Variants in DTD1 observed in about 807,000 individuals in gnomAD.
The protein encoded by DTD1 is D-aminoacyl-tRNA deacylase 1.
Under a neutral mutation model 25.6 loss-of-function variants are expected in DTD1, and 13 were observed. That is an observed-to-expected ratio of 0.51 (90% confidence interval 0.33 to 0.81). The LOEUF (loss-of-function observed/expected upper bound fraction) is 0.81. Ranked by LOEUF, DTD1 falls within the 30% of genes least tolerant of loss-of-function variation. DTD1 has a pLI of 0.02. For synonymous variants in DTD1, 110 were observed against 103.6 expected, an observed-to-expected ratio of 1.06 and a Z score of -0.37; for missense variants, 193 against 266.4, an observed-to-expected ratio of 0.72 and a Z score of 1.92.
At chr20:18,695,055 G>A (rs191699072) in intron 4 of DTD1, among the ~76,000 whole-genome samples, 7 of 152,244 alleles carry the variant, frequency 4.6e-5, no homozygotes, top group Non-Finnish European at 7.4e-5. Context: ...GATACTCAGC[G>A]CGTGTTCTGC....
At chr20:18,725,172 T>G (rs2061218735) in intron 4 of DTD1, among the ~76,000 whole-genome samples, 1 of 152,170 alleles carries the variant, frequency 6.6e-6, no homozygotes, top group African/African-American at 2.4e-5. Flanking sequence ...CATGCAAAGA[T>G]TAAGGGGTGG....
In DTD1 at chr20:18,765,619, C is replaced by G. The variant is rs1209822999; in HGVS notation, c.*2279C>G. On this transcript the variant is annotated 3_prime_UTR_variant, in exon 6 of 6. Coordinates refer to ENST00000377452, the MANE Select transcript of DTD1 (RefSeq NM_080820.6). ...CAGATTATAGAGAAAAATGAAAGCT[C>G]AAGAAGAAACCCCATAATATCTGCA... 6.6e-6 allele frequency: 1 copy of G among 152,108 alleles called. No homozygotes were observed. Among genetic ancestry groups the G allele is most frequent in the Non-Finnish European group, 1.5e-5 (1 of 68,016 alleles). 9.4% of individuals were successfully genotyped at this position (152,108 alleles called of 1,614,324 possible).
intron 4 of DTD1, among the ~76,000 whole-genome samples, chr20:18,649,274 A>G (rs1246531860): frequency 6.8e-6 from 1 of 146,878 alleles, no homozygotes; most frequent in Non-Finnish European, 1.5e-5. Flanking sequence ...CTAACACAAG[A>G]CAAGACTCGA....
In DTD1 at chr20:18,764,877, A is replaced by G. The variant is rs546971828; in HGVS notation, c.*1537A>G. On this transcript the variant is annotated 3_prime_UTR_variant, in exon 6 of 6. Coordinates refer to ENST00000377452, the MANE Select transcript of DTD1 (RefSeq NM_080820.6). ...TCACTTTAAAGCTACTTGAACCTACATGTCGATAAACTCAGTTGTAGGGTT... is the reference window on the plus strand; with the variant it reads ...TCACTTTAAAGCTACTTGAACCTACGTGTCGATAAACTCAGTTGTAGGGTT... 3 of 152,354 alleles carry G rather than the reference A, an allele frequency of 2.0e-5. No homozygotes were observed. Among genetic ancestry groups the G allele is most frequent in the East Asian group, 3.9e-4 (2 of 5,192 alleles). The allele number at this position is 152,354 out of a possible 1,614,324, so 9.4% of individuals were successfully genotyped here.
chr20:18,651,803 A>G (rs905144056), intron 4 of DTD1, among the ~76,000 whole-genome samples: 8 of 152,226 alleles, frequency 5.3e-5, no homozygotes, highest in African/African-American at 9.6e-5. Flanking sequence ...TGGGATGCCA[A>G]AAGTCCAAGA....
chr20:18,668,208 T>C (rs2060939135), intron 4 of DTD1, among the ~76,000 whole-genome samples: 1 of 152,222 alleles, frequency 6.6e-6, no homozygotes, highest in Admixed American at 6.5e-5. Context: ...TATCTATTTT[T>C]GATTTATGTT....
At chr20:18,695,543 TCC>T (rs2061071698) in intron 4 of DTD1, among the ~76,000 whole-genome samples, 1 of 26,442 alleles carries the variant, frequency 3.8e-5, no homozygotes, top group Non-Finnish European at 7.7e-5. Context: ...TCCTTTCCCT[TCC>T]CTTCCCTTCC....
chr20:18,607,989 T>C (rs975660351), intron 3 of DTD1, among the ~76,000 whole-genome samples: 2 of 152,170 alleles, frequency 1.3e-5, no homozygotes, highest in African/African-American at 2.4e-5. Flanking sequence ...GCTGGGATTA[T>C]AGGCGTTAGC....
intron 3 of DTD1, among the ~76,000 whole-genome samples, chr20:18,614,568 A>G (rs1272693951): frequency 6.6e-6 from 1 of 152,052 alleles, no homozygotes; most frequent in Non-Finnish European, 1.5e-5. Context: ...TGGAAGAGAG[A>G]CCACATTGCT....
intron 4 of DTD1, among the ~76,000 whole-genome samples, chr20:18,722,471 A>G (rs142818436): frequency 5.1e-4 from 78 of 152,344 alleles, no homozygotes; most frequent in Non-Finnish European, 9.7e-4. Context: ...TTATGTTCAC[A>G]TTTATTAAGA....
chr20:18,601,498 CAAAAAAAAAA>C (rs1175102426), intron 3 of DTD1, among the ~76,000 whole-genome samples: 2 of 110,624 alleles, frequency 1.8e-5, no homozygotes, highest in Admixed American at 9.4e-5. Flanking sequence ...GACTCTGTCT[CAAAAAAAAAA>C]AAAAAAAAAA....
chr20:18,756,533 T>TC (rs2061340054), intron 5 of DTD1, among the ~76,000 whole-genome samples: 1 of 152,262 alleles, frequency 6.6e-6, no homozygotes, highest in South Asian at 2.1e-4. Context: ...GGAAATCCTT[T>TC]CCCCATTTCT....
At chr20:18,609,703 G>T (rs963769535) in intron 3 of DTD1, among the ~76,000 whole-genome samples, 1 of 152,068 alleles carries the variant, frequency 6.6e-6, no homozygotes, top group African/African-American at 2.4e-5. Flanking sequence ...ATGTCCATTT[G>T]CTGTAAGAAT....
chr20:18,653,116 A>G (rs1169119690), intron 4 of DTD1, among the ~76,000 whole-genome samples: 2 of 152,190 alleles, frequency 1.3e-5, no homozygotes, highest in Non-Finnish European at 2.9e-5. Context: ...TTAATTAAAG[A>G]ACAGGCCAGG....
intron 4 of DTD1, among the ~76,000 whole-genome samples, chr20:18,682,150 T>C (rs2061000399): frequency 6.6e-6 from 1 of 152,176 alleles, no homozygotes; most frequent in Non-Finnish European, 1.5e-5. Context: ...GTATAATTGA[T>C]CTACTGAGAG....
At chr20:18,734,870 T>C (rs1367330207) in intron 4 of DTD1, among the ~76,000 whole-genome samples, 2 of 152,200 alleles carry the variant, frequency 1.3e-5, no homozygotes, top group African/African-American at 4.8e-5. Flanking sequence ...AATGGGCTAA[T>C]GGATGGGGGC....
intron 4 of DTD1, among the ~76,000 whole-genome samples, chr20:18,704,139 T>C (rs1424230885): frequency 6.6e-6 from 1 of 152,118 alleles, no homozygotes; most frequent in Non-Finnish European, 1.5e-5. Context: ...TAGCTGGGAC[T>C]ACAGGTGCCT....
chr20:18,622,922 T>C (rs911446111), intron 3 of DTD1, among the ~76,000 whole-genome samples: 3 of 151,890 alleles, frequency 2.0e-5, no homozygotes, highest in African/African-American at 7.3e-5. Context: ...TTCCAACTTA[T>C]TAGAAGACAA....
At chr20:18,707,415 A>C (rs1231018276) in intron 4 of DTD1, among the ~76,000 whole-genome samples, 1 of 151,886 alleles carries the variant, frequency 6.6e-6, no homozygotes, top group East Asian at 1.9e-4. Context: ...TGTGTCTGGG[A>C]CTCACCCTGC....
Sources: allele counts gnomAD v4.1 joint callset (sites outside exome capture counted in the v4.1 genomes callset), GRCh38; gene constraint gnomAD v4.1.1; transcripts MANE v1.5; gene names NCBI Gene and HGNC (gene_info 2026-07-23, HGNC 2026-07-21).